Variants in IL1RAP observed in about 807,000 individuals in gnomAD.
IL1RAP encodes interleukin 1 receptor accessory protein.
In IL1RAP, 35 loss-of-function variants were observed where a neutral mutation model predicts 60.7. The ratio of observed to expected loss-of-function variants is 0.58; its 90% CI spans 0.44 to 0.76. The LOEUF is 0.76. Among genes scored for constraint, IL1RAP ranks in the 30% least tolerant of loss-of-function variants. The pLI, the probability that IL1RAP is intolerant of heterozygous loss-of-function variation, is 0.00. For missense variants in IL1RAP, 572 were observed against 693.9 expected (o/e 0.82, Z 1.97); for synonymous variants, 268 against 250.9 (o/e 1.07, Z -0.64).
chr3:190,639,840 G>A (rs529510408), intron 9 of IL1RAP, among the ~76,000 whole-genome samples: 3 of 152,216 alleles, frequency 2.0e-5, no homozygotes, highest in East Asian at 3.9e-4. Context: ...AGGTTAGATT[G>A]GACCTACTTC....
At chr3:190,609,331 C>A in intron 5 of IL1RAP, 150 bp downstream of exon 5, 1 of 551,538 alleles carries the variant, frequency 1.8e-6, no homozygotes, top group Non-Finnish European at 3.1e-6. Context: ...TCAGCACGTC[C>A]TCATTTTGTA....
chr3:190,545,604 C>G (rs1437700095), intron 1 of IL1RAP, among the ~76,000 whole-genome samples: 3 of 152,134 alleles, frequency 2.0e-5, no homozygotes, highest in Non-Finnish European at 4.4e-5. Context: ...CAGTGGCTCT[C>G]TAACACAAAC....
At chr3:190,578,794 G>C (rs1283313013) in intron 3 of IL1RAP, among the ~76,000 whole-genome samples, 3 of 152,218 alleles carry the variant, frequency 2.0e-5, no homozygotes, top group African/African-American at 7.2e-5. Flanking sequence ...AGGAGCAAAG[G>C]CATGTCCTAC....
chr3:190,522,419 G>GTATCTATCTATCTATC (rs36196626), intron 1 of IL1RAP, among the ~76,000 whole-genome samples: 15 of 142,634 alleles, frequency 1.1e-4, no homozygotes, highest in African/African-American at 3.2e-4. Flanking sequence ...ATGTATCTAT[G>GTATCTATCTATCTATC]TATCTATCTA....
chr3:190,636,108 A>G (rs1033276659), intron 9 of IL1RAP, among the ~76,000 whole-genome samples: 1 of 152,188 alleles, frequency 6.6e-6, no homozygotes, highest in African/African-American at 2.4e-5. Context: ...GCTTATTGGT[A>G]CTTAAAAAAA....
intron 3 of IL1RAP, among the ~76,000 whole-genome samples, chr3:190,578,313 T>G (rs945741270): frequency 7.2e-5 from 11 of 152,210 alleles, no homozygotes; most frequent in Admixed American, 6.5e-4. Flanking sequence ...TCTGAGCTGT[T>G]GTATTCCTCG....
At chr3:190,618,880 A>C (rs2108789053) in intron 5 of IL1RAP, among the ~76,000 whole-genome samples, 1 of 152,352 alleles carries the variant, frequency 6.6e-6, no homozygotes, top group East Asian at 1.9e-4. Context: ...TGGAAGTTCA[A>C]TGCTGTTCTT....
At chr3:190,631,738 CAGTT>C (rs1732806117) in intron 9 of IL1RAP, among the ~76,000 whole-genome samples, 1 of 152,102 alleles carries the variant, frequency 6.6e-6, no homozygotes, top group Admixed American at 6.6e-5. Context: ...TCATTATAGT[CAGTT>C]AAAGCTAAGT....
In IL1RAP at chr3:190,530,353, G is replaced by A. The variant is rs1480139907; in HGVS notation, c.-89+16134G>A. ...TTATCAGATCTGTATTTTAGATCTG[G>A]CTTAGAGAGGGAATAAGTGGGGCAA... On this transcript the variant is annotated intron_variant, in intron 1 of 11. Coordinates refer to ENST00000447382, the MANE Select transcript of IL1RAP (RefSeq NM_002182.4). Among the ~76,000 whole-genome samples the A allele has an allele frequency of 1.2e-4, 19 of 152,108 alleles. No individual in the cohort carries two copies. In the East Asian group the frequency reaches 3.7e-3, roughly 29 times the overall value.
chr3:190,540,797 A>G (rs1723866462), intron 1 of IL1RAP, among the ~76,000 whole-genome samples: 1 of 152,172 alleles, frequency 6.6e-6, no homozygotes, highest in African/African-American at 2.4e-5. Context: ...CAAGCATTAA[A>G]TCAGAATGTG....
intron 11 of IL1RAP, among the ~76,000 whole-genome samples, chr3:190,646,775 G>C (rs1017805658): frequency 1.3e-5 from 2 of 151,990 alleles, no homozygotes; most frequent in Non-Finnish European, 2.9e-5. Context: ...GGATAATTGA[G>C]ATAGACTTGA....
chr3:190,585,184 T>A (rs1268176280), intron 3 of IL1RAP, among the ~76,000 whole-genome samples: 1 of 152,100 alleles, frequency 6.6e-6, no homozygotes, highest in Admixed American at 6.5e-5. Flanking sequence ...TACAGCCTCA[T>A]GTATTATCTT....
intron 9 of IL1RAP, chr3:190,629,877 A>G: frequency 1.0e-6 from 1 of 984,128 alleles, no homozygotes; most frequent in Non-Finnish European, 1.2e-6. Context: ...TTTAAAAATC[A>G]TTCATGGTAG....
chr3:190,562,199 C>T (rs565883057), intron 2 of IL1RAP, among the ~76,000 whole-genome samples: 1 of 152,280 alleles, frequency 6.6e-6, no homozygotes, highest in East Asian at 1.9e-4. Flanking sequence ...TTCTTTTTCT[C>T]ACATGTTCCT....
chr3:190,557,918 C>G (rs928559507), intron 2 of IL1RAP, among the ~76,000 whole-genome samples: 1 of 152,144 alleles, frequency 6.6e-6, no homozygotes, highest in Non-Finnish European at 1.5e-5. Context: ...CCAAACAACT[C>G]TCATGTGCCC....
At chr3:190,656,459 C>T, downstream of IL1RAP, 1 of 1,537,266 alleles carries the variant, frequency 6.5e-7, no homozygotes, top group Non-Finnish European at 8.7e-7. Context: ...CAGTGGGAGA[C>T]ACACCTCTGT....
At position 190,537,955 on chromosome 3, in the gene IL1RAP, C is replaced by T. The variant is rs559633630; in HGVS notation, c.-88-18175C>T. Reference sequence around the variant, plus strand: ...CTCATGTACTTTTCTGTTTTGAGAACTTTACTCAGATTATTTTTGCTTTTT... The same window carrying T: ...CTCATGTACTTTTCTGTTTTGAGAATTTTACTCAGATTATTTTTGCTTTTT... On this transcript the variant is annotated intron_variant, in intron 1 of 11. Coordinates refer to ENST00000447382, the MANE Select transcript of IL1RAP (RefSeq NM_002182.4). Among the ~76,000 whole-genome samples, 5 of 152,192 alleles carry T rather than the reference C, an allele frequency of 3.3e-5. No homozygotes were observed. In the South Asian group the frequency reaches 1.0e-3, roughly 32 times the overall value.
At chr3:190,522,710 G>T (rs1050190727) in intron 1 of IL1RAP, among the ~76,000 whole-genome samples, 1 of 152,128 alleles carries the variant, frequency 6.6e-6, no homozygotes, top group Non-Finnish European at 1.5e-5. Flanking sequence ...GATAGGAAAT[G>T]AATGTAATAT....
intron 3 of IL1RAP, 102 bp from the exon 4 acceptor site, chr3:190,604,026 T>C: frequency 8.6e-7 from 1 of 1,167,052 alleles, no homozygotes; most frequent in Non-Finnish European, 1.2e-6. Context: ...GAGAAAGAGG[T>C]TCTGGAAAAG....
Sources: allele counts gnomAD v4.1 joint callset (sites outside exome capture counted in the v4.1 genomes callset), GRCh38; gene constraint gnomAD v4.1.1; transcripts MANE v1.5; gene names NCBI Gene and HGNC (gene_info 2026-07-23, HGNC 2026-07-21).